Variants in RIMS2 observed in about 807,000 individuals in gnomAD.
RIMS2 encodes the protein regulating synaptic membrane exocytosis 2.
In RIMS2, 59 loss-of-function variants were observed where a neutral mutation model predicts 174.4. The observed-to-expected ratio is 0.34, with a 90% confidence interval of 0.27 to 0.42. The LOEUF (loss-of-function observed/expected upper bound fraction) is 0.42, where lower values mean the gene tolerates loss of function less well. RIMS2 is among the 10% of genes least tolerant of loss of function. The probability of loss-of-function intolerance (pLI) is 1.00; values close to 1 mark genes in which losing one functional copy is unlikely to be tolerated. For missense variants in RIMS2, 1,620 were observed against 1,666.3 expected (o/e 0.97, Z 0.48); for synonymous variants, 606 against 572.5 (o/e 1.06, Z -0.84).
At chr8:103,947,685 G>A (rs900746512) in intron 14 of RIMS2, among the ~76,000 whole-genome samples, 1 of 152,152 alleles carries the variant, frequency 6.6e-6, no homozygotes, top group African/African-American at 2.4e-5. Context: ...TTCAGGGTGA[G>A]TCAATGAGCA....
chr8:103,784,112 GTTGT>G (rs1251105077), intron 3 of RIMS2, among the ~76,000 whole-genome samples: 3 of 148,370 alleles, frequency 2.0e-5, no homozygotes, highest in Non-Finnish European at 4.5e-5. Flanking sequence ...TTTTGATGGG[GTTGT>G]TTGTTTTTTT....
intron 3 of RIMS2, among the ~76,000 whole-genome samples, chr8:103,835,879 ACTT>A (rs2098884639): frequency 6.6e-6 from 1 of 152,208 alleles, no homozygotes; most frequent in Non-Finnish European, 1.5e-5. Flanking sequence ...TTTCTTTACT[ACTT>A]TACTTCATCT....
At chr8:104,134,779 C>T (rs909845306) in intron 19 of RIMS2, among the ~76,000 whole-genome samples, 2 of 152,168 alleles carry the variant, frequency 1.3e-5, no homozygotes, top group African/African-American at 4.8e-5. Flanking sequence ...TTGTAAACTG[C>T]TGATTTCTTT....
rs192252390 is a variant in RIMS2, at chr8:104,203,767, G to C, written c.3335-41149G>C. 2.2e-3 allele frequency among the ~76,000 whole-genome samples: 331 copies of C among 152,214 alleles called. 1 individual carries two copies. The highest frequency in any genetic ancestry group is 7.5e-3 in the African/African-American group (310 of 41,532). On this transcript the variant is annotated intron_variant, in intron 19 of 23. Transcript: ENST00000504942. The stretch of plus-strand genomic sequence containing the variant: ...GATCTACCTGCCTTGGCCTCCCAAA[G>C]TGCTGGGATTACAGGTGTGAGCCAC...
intron 1 of RIMS2, among the ~76,000 whole-genome samples, chr8:103,618,712 C>G (rs2095561863): frequency 6.6e-6 from 1 of 152,126 alleles, no homozygotes; most frequent in Non-Finnish European, 1.5e-5. Flanking sequence ...CTGTCATCTT[C>G]ACACAGATGA....
chr8:103,569,145 C>T (rs946402153), intron 1 of RIMS2, among the ~76,000 whole-genome samples: 6 of 152,002 alleles, frequency 3.9e-5, no homozygotes, highest in Non-Finnish European at 7.4e-5. Flanking sequence ...TTTATGTTTT[C>T]TTCTAAGAGT....
intron 2 of RIMS2, among the ~76,000 whole-genome samples, chr8:103,699,173 T>G (rs75120358): frequency 0.012 from 1,760 of 152,318 alleles, 48 homozygotes; most frequent in African/African-American, 0.041. Context: ...CCATGGAATC[T>G]GCATTGATGC....
intron 1 of RIMS2, among the ~76,000 whole-genome samples, chr8:103,519,792 G>A (rs1830768120): frequency 1.4e-5 from 2 of 146,846 alleles, no homozygotes; most frequent in South Asian, 4.3e-4. Flanking sequence ...AAACATTACG[G>A]TTTAGACTCA....
chr8:103,966,221 T>C (rs1167010013), intron 15 of RIMS2, among the ~76,000 whole-genome samples: 3 of 152,164 alleles, frequency 2.0e-5, no homozygotes, highest in Non-Finnish European at 4.4e-5. Flanking sequence ...TTCTTTCTTG[T>C]TTGGTAGAAT....
At chr8:104,148,406 T>A (rs936918477) in intron 19 of RIMS2, among the ~76,000 whole-genome samples, 4 of 152,214 alleles carry the variant, frequency 2.6e-5, no homozygotes, top group African/African-American at 9.7e-5. Context: ...ATCATAAATC[T>A]GATTTTGCAT....
At chr8:103,611,339 G>C (rs28806247) in intron 1 of RIMS2, among the ~76,000 whole-genome samples, 1 of 151,966 alleles carries the variant, frequency 6.6e-6, no homozygotes, top group South Asian at 2.1e-4. Context: ...TTCTTAAGAG[G>C]AGTTGAGATA....
chr8:103,583,427 C>G (rs1400063603), intron 1 of RIMS2, among the ~76,000 whole-genome samples: 2 of 152,150 alleles, frequency 1.3e-5, no homozygotes, highest in African/African-American at 4.8e-5. Context: ...AACATGACCT[C>G]ACCAAGTGAA....
At chr8:104,173,358 A>G (rs1334865939) in intron 19 of RIMS2, among the ~76,000 whole-genome samples, 2 of 152,156 alleles carry the variant, frequency 1.3e-5, no homozygotes, top group Non-Finnish European at 2.9e-5. Flanking sequence ...TGACACGAGT[A>G]GGCAGTTAGG....
chr8:103,976,651 G>A (rs142031995), intron 16 of RIMS2: 1,515 of 150,138 alleles, frequency 0.01, 19 homozygotes, highest in East Asian at 0.046. Flanking sequence ...GGGTTCAAGC[G>A]ATTCCCCTGC....
intron 19 of RIMS2, among the ~76,000 whole-genome samples, chr8:104,206,259 A>G (rs952785021): frequency 1.3e-5 from 2 of 152,220 alleles, no homozygotes; most frequent in African/African-American, 4.8e-5. Flanking sequence ...TTAGCACTTT[A>G]TATGAAAGTT....
intron 16 of RIMS2, among the ~76,000 whole-genome samples, chr8:103,986,223 A>C (rs937630253): frequency 6.6e-6 from 1 of 152,222 alleles, no homozygotes; most frequent in Admixed American, 6.5e-5. Flanking sequence ...TTGACAAAAA[A>C]ATTTTTAACG....
At chr8:103,997,923 T>C (rs1474711277) in intron 17 of RIMS2, among the ~76,000 whole-genome samples, 1 of 151,560 alleles carries the variant, frequency 6.6e-6, no homozygotes, top group Non-Finnish European at 1.5e-5. Flanking sequence ...ACATTCTAGG[T>C]GGTGCTAAAG....
At chr8:103,702,964 G>A (rs1176672) in intron 2 of RIMS2, among the ~76,000 whole-genome samples, 117,530 of 144,928 alleles carry the variant, frequency 0.81, 48,039 homozygotes, top group African/African-American at 0.92. Context: ...GAGGAATGTT[G>A]TTGGGTGTTT....
At chr8:103,883,542 A>T (rs1199318513) in intron 3 of RIMS2, among the ~76,000 whole-genome samples, 3 of 151,876 alleles carry the variant, frequency 2.0e-5, no homozygotes, top group African/African-American at 7.2e-5. Context: ...CAATTGTAAT[A>T]TAAAAGATTT....
Sources: gnomAD v4.1 joint callset for allele counts (sites outside exome capture counted in the v4.1 genomes callset) on GRCh38, gnomAD v4.1.1 for gene constraint, MANE v1.5 for transcripts, NCBI Gene and HGNC (gene_info 2026-07-23, HGNC 2026-07-21) for gene names.